FGF10: variants seen among roughly 807,000 people sequenced by gnomAD.
FGF10 encodes FGF-10.
Under a neutral mutation model 19.8 loss-of-function variants are expected in FGF10, and 2 were observed. The observed-to-expected ratio is 0.10, with a 90% CI of 0.04 to 0.32. The LOEUF is 0.32. FGF10 is among the 10% of genes least tolerant of loss of function. The probability of loss-of-function intolerance (pLI) is 1.00; values close to 1 mark genes in which losing one functional copy is unlikely to be tolerated. For synonymous variants in FGF10, 112 were observed against 94.0 expected (o/e 1.19, Z -1.10); for missense variants, 191 against 246.3 (o/e 0.78, Z 1.50).
chr5:44,318,244 C>T (rs1305340693), intron 1 of FGF10, among the ~76,000 whole-genome samples: 5 of 152,130 alleles, frequency 3.3e-5, no homozygotes, highest in Admixed American at 3.3e-4. Flanking sequence ...TAGAAAAGTC[C>T]TGCACAATTC....
At chr5:44,373,384 C>A (rs1230828202) in intron 1 of FGF10, among the ~76,000 whole-genome samples, 1 of 152,128 alleles carries the variant, frequency 6.6e-6, no homozygotes, top group Non-Finnish European at 1.5e-5. Flanking sequence ...GAGAATTTCC[C>A]AAATCATCAA....
intron 2 of FGF10, among the ~76,000 whole-genome samples, chr5:44,308,667 T>A (rs1412543132): frequency 6.6e-6 from 1 of 152,124 alleles, no homozygotes; most frequent in Non-Finnish European, 1.5e-5. Flanking sequence ...GGAGAAATTT[T>A]ACTAAAATTC....
intron 2 of FGF10, among the ~76,000 whole-genome samples, chr5:44,307,236 G>A (rs1389352149): frequency 6.6e-6 from 1 of 152,242 alleles, no homozygotes; most frequent in East Asian, 1.9e-4. Context: ...AATCTCTAGA[G>A]GAGGGGCCTC....
At chr5:44,307,791 GAATA>G (rs1740117037) in intron 2 of FGF10, among the ~76,000 whole-genome samples, 1 of 152,122 alleles carries the variant, frequency 6.6e-6, no homozygotes. Flanking sequence ...TATTGAACTT[GAATA>G]AATTTTTCGT....
intron 1 of FGF10, among the ~76,000 whole-genome samples, chr5:44,358,034 G>A (rs1477184945): frequency 6.6e-5 from 10 of 151,352 alleles, no homozygotes. Flanking sequence ...CTTGAGGGGG[G>A]CAAGGGCATT....
rs1017284793 is a variant in FGF10 at position 44,383,464 on chromosome 5, C to T, written c.325+4894G>A. Among the ~76,000 whole-genome samples, 3 of 152,030 alleles carry T rather than the reference C, an allele frequency of 2.0e-5. No homozygotes were observed. The South Asian group carries it at 6.2e-4, about 31-fold the overall frequency. ...AACTGCTTTTAAAGAGTCATTCACA[C>T]CTTTAGGTAATAGGTTACTGAAATA... is the stretch of plus-strand genomic sequence containing the variant. On this transcript the variant is annotated intron_variant, in intron 1 of 2. Transcript: ENST00000264664.
In FGF10 at chr5:44,300,259, T is replaced by TCC. The variant is rs1554035226; in HGVS notation, c.*4735_*4736insGG. On this transcript the variant is annotated 3_prime_UTR_variant, in exon 3 of 3. Transcript: ENST00000264664. The stretch of plus-strand genomic sequence containing the variant: ...AAGACAAAGCAGGTTTTTTTCTGTT[T>TCC]TTTTTTTATTTTACACTTAAACAAT... 5.3e-5 allele frequency among the ~76,000 whole-genome samples: 8 copies of TCC among 151,698 alleles called. No individual in the cohort carries two copies. The highest frequency in any genetic ancestry group is 1.9e-4 in the African/African-American group (8 of 41,298).
chr5:44,368,372 G>A (rs1741667187), intron 1 of FGF10, among the ~76,000 whole-genome samples: 1 of 151,170 alleles, frequency 6.6e-6, no homozygotes, highest in Non-Finnish European at 1.5e-5. Context: ...GATGTCTTTG[G>A]CTAAGTGCCT....
At chr5:44,383,847 T>G (rs565506366) in intron 1 of FGF10, among the ~76,000 whole-genome samples, 51 of 152,210 alleles carry the variant, frequency 3.4e-4, no homozygotes, top group Middle Eastern at 3.4e-3. Flanking sequence ...AGCCATAAAT[T>G]GTTTTTCTTC....
At chr5:44,353,658 T>A (rs1232861962) in intron 1 of FGF10, among the ~76,000 whole-genome samples, 6 of 151,544 alleles carry the variant, frequency 4.0e-5, no homozygotes, top group Non-Finnish European at 7.4e-5. Flanking sequence ...ATCTAGAAAC[T>A]TTTTCCTCAG....
intron 1 of FGF10, among the ~76,000 whole-genome samples, chr5:44,317,630 C>T (rs775022674): frequency 3.0e-4 from 45 of 152,100 alleles, no homozygotes; most frequent in Non-Finnish European, 5.4e-4. Context: ...CCAGATCTTT[C>T]ACAGTGATCA....
intron 1 of FGF10, among the ~76,000 whole-genome samples, chr5:44,340,374 A>C (rs958940183): frequency 2.6e-5 from 4 of 152,114 alleles, no homozygotes; most frequent in Non-Finnish European, 5.9e-5. Context: ...AAGTGCCAAC[A>C]TTTTAGCTTC....
chr5:44,379,139 G>C (rs1341926992), intron 1 of FGF10, among the ~76,000 whole-genome samples: 1 of 152,172 alleles, frequency 6.6e-6, no homozygotes. Context: ...CTTTGGGGTA[G>C]TTCCCAGTTG....
intron 1 of FGF10, among the ~76,000 whole-genome samples, chr5:44,354,452 C>T (rs1051916635): frequency 6.6e-6 from 1 of 151,456 alleles, no homozygotes; most frequent in African/African-American, 2.4e-5. Flanking sequence ...TACTAAAGGA[C>T]AGTTATGTGG....
intron 1 of FGF10, among the ~76,000 whole-genome samples, chr5:44,315,134 G>C (rs1740306654): frequency 2.7e-5 from 4 of 147,130 alleles, no homozygotes; most frequent in African/African-American, 1.0e-4. Context: ...TTGCCTCAAG[G>C]AGTTTTAAAG....
chr5:44,340,225 A>G (rs986193802), intron 1 of FGF10, among the ~76,000 whole-genome samples: 3 of 152,126 alleles, frequency 2.0e-5, no homozygotes, highest in Non-Finnish European at 4.4e-5. Context: ...GCATCAACAC[A>G]GAATTTGGGA....
chr5:44,367,484 A>C (rs1741645155), intron 1 of FGF10, among the ~76,000 whole-genome samples: 1 of 152,064 alleles, frequency 6.6e-6, no homozygotes, highest in East Asian at 1.9e-4. Context: ...CAAAGGGCAC[A>C]ATAGCTTAGT....
chr5:44,312,622 T>C (rs1235921664), intron 1 of FGF10, among the ~76,000 whole-genome samples: 2 of 152,058 alleles, frequency 1.3e-5, no homozygotes, highest in Non-Finnish European at 2.9e-5. Flanking sequence ...CTAACATACT[T>C]TATTTATGTC....
chr5:44,374,104 AG>A (rs1164790587), intron 1 of FGF10, among the ~76,000 whole-genome samples: 1 of 152,162 alleles, frequency 6.6e-6, no homozygotes, highest in African/African-American at 2.4e-5. Context: ...TGTAGGTTCT[AG>A]GGAGACAATC....
Sources: gnomAD v4.1 joint callset for allele counts (sites outside exome capture counted in the v4.1 genomes callset) on GRCh38, gnomAD v4.1.1 for gene constraint, MANE v1.5 for transcripts, NCBI Gene and HGNC (gene_info 2026-07-23, HGNC 2026-07-21) for gene names.